KIF2A: variants seen among roughly 807,000 people sequenced by gnomAD.
KIF2A encodes the protein kinesin-like protein KIF2A.
Under a neutral mutation model 100.2 loss-of-function variants are expected in KIF2A, and 22 were observed. That is an observed-to-expected ratio of 0.22 (90% CI 0.16 to 0.31). KIF2A has a LOEUF of 0.31. Ranked by LOEUF, KIF2A falls within the 10% of genes least tolerant of loss-of-function variation. The pLI is 1.00. For synonymous variants in KIF2A, 268 were observed against 285.9 expected, an observed-to-expected ratio of 0.94 and a Z score of 0.63; for missense variants, 495 against 898.7, an observed-to-expected ratio of 0.55 and a Z score of 5.74.
intron 1 of KIF2A, among the ~76,000 whole-genome samples, chr5:62,328,393 G>C (rs186965300): frequency 6.8e-6 from 1 of 146,906 alleles, no homozygotes; most frequent in African/African-American, 2.5e-5. Context: ...TTAGAATTTT[G>C]GTTTTTATGT....
At chr5:62,308,567 G>C in intron 1 of KIF2A, 1 of 702,248 alleles carries the variant, frequency 1.4e-6, no homozygotes, top group Middle Eastern at 2.3e-4. Flanking sequence ...TGTGTGTATA[G>C]ACAATGTACA....
chr5:62,330,636 A>G (rs1391520023), intron 1 of KIF2A, among the ~76,000 whole-genome samples: 1 of 152,150 alleles, frequency 6.6e-6, no homozygotes, highest in Non-Finnish European at 1.5e-5. Flanking sequence ...CTGAGAATGG[A>G]TATTTATGCA....
chr5:62,319,934 A>G (rs970043722), intron 1 of KIF2A, among the ~76,000 whole-genome samples: 3 of 151,940 alleles, frequency 2.0e-5, no homozygotes, highest in African/African-American at 2.4e-5. Context: ...TCCTACCCCT[A>G]CCCCACAGCT....
intron 1 of KIF2A, among the ~76,000 whole-genome samples, chr5:62,317,153 A>G (rs1013821908): frequency 1.3e-5 from 2 of 152,032 alleles, no homozygotes; most frequent in Admixed American, 1.3e-4. Context: ...AGTTCAAGCA[A>G]TTCTCTTGCC....
At chr5:62,357,504 A>G (rs1385430376) in intron 7 of KIF2A, among the ~76,000 whole-genome samples, 187 bp from the exon 8 acceptor site, 1 of 152,192 alleles carries the variant, frequency 6.6e-6, no homozygotes, top group East Asian at 1.9e-4. Context: ...TTACACTCAG[A>G]ATTTTAGAAG....
chr5:62,357,614 G>A (rs1748182413), intron 7 of KIF2A, 77 bp from the exon 8 acceptor site: 5 of 703,464 alleles, frequency 7.1e-6, no homozygotes, highest in Non-Finnish European at 1.1e-5. Flanking sequence ...ACCCCTGGAG[G>A]AAATATTACA....
intron 1 of KIF2A, among the ~76,000 whole-genome samples, chr5:62,320,729 G>T (rs1379011819): frequency 6.6e-6 from 1 of 152,044 alleles, no homozygotes; most frequent in Admixed American, 6.5e-5. Flanking sequence ...ATTATGAGAA[G>T]AAAGTAATTT....
intron 11 of KIF2A, among the ~76,000 whole-genome samples, chr5:62,362,139 T>A (rs1015152981): frequency 1.1e-4 from 17 of 151,632 alleles, no homozygotes; most frequent in African/African-American, 3.9e-4. Flanking sequence ...AATTGTTGAA[T>A]TTCTGAACTG....
chr5:62,328,888 C>T (rs949802784), intron 1 of KIF2A, among the ~76,000 whole-genome samples: 2 of 151,730 alleles, frequency 1.3e-5, no homozygotes, highest in Non-Finnish European at 2.9e-5. Context: ...AAAAGCTGCA[C>T]AACGGGCCCT....
At chr5:62,322,239 T>C (rs538898349) in intron 1 of KIF2A, among the ~76,000 whole-genome samples, 6 of 152,338 alleles carry the variant, frequency 3.9e-5, no homozygotes, top group African/African-American at 1.4e-4. Flanking sequence ...TCAATATTTA[T>C]TTTTTTATTG....
At chr5:62,308,205 C>T in intron 1 of KIF2A, 3 of 473,260 alleles carry the variant, frequency 6.3e-6, no homozygotes, top group Non-Finnish European at 1.1e-5. Flanking sequence ...TTACCAATAA[C>T]ACTAATGGGA....
At chr5:62,337,692 G>A (rs968627624) in intron 1 of KIF2A, among the ~76,000 whole-genome samples, 9 of 151,762 alleles carry the variant, frequency 5.9e-5, no homozygotes, top group African/African-American at 2.2e-4. Context: ...AGGCATAGTA[G>A]TGCATGCCTG....
chr5:62,324,893 A>T (rs555018665), intron 1 of KIF2A, among the ~76,000 whole-genome samples: 3 of 152,360 alleles, frequency 2.0e-5, no homozygotes, highest in African/African-American at 7.2e-5. Context: ...GCACAGCAAA[A>T]GAAACAGAGT....
chr5:62,350,151 C>G (rs766712889), intron 4 of KIF2A, 31 bp downstream of exon 4: 18 of 1,279,488 alleles, frequency 1.4e-5, no homozygotes, highest in Non-Finnish European at 2.0e-5. Flanking sequence ...TTAATTTTGG[C>G]TATTGACTTC....
intron 3 of KIF2A, among the ~76,000 whole-genome samples, chr5:62,348,564 CT>C (rs1747689261): frequency 1.3e-5 from 2 of 152,232 alleles, no homozygotes; most frequent in South Asian, 4.1e-4. Context: ...CTATTTGTTT[CT>C]TAAAGAAAGA....
chr5:62,385,653 T>A lies in KIF2A; in HGVS notation c.*84T>A, dbSNP rs979685110. The A allele has an allele frequency of 5.3e-6, 5 of 951,668 alleles. No individual in the cohort carries two copies. In the Admixed American group the frequency reaches 7.2e-5, roughly 14 times the overall value. The allele number at this position is 951,668 out of a possible 1,614,324, so 59.0% of individuals were successfully genotyped here. A position where few individuals can be genotyped will look rare whatever the true frequency, so the allele number is the denominator to read the frequency against. On this transcript the variant is annotated 3_prime_UTR_variant, in exon 21 of 21. Transcript: ENST00000407818. ...CAGCTGTAAGGGCCATTTGAAAGTT[T>A]GGAATTTTAAGTGTCTGTGGAAAAT... is the stretch of plus-strand genomic sequence containing the variant.
chr5:62,314,098 A>G (rs965461873), intron 1 of KIF2A, among the ~76,000 whole-genome samples: 2 of 152,082 alleles, frequency 1.3e-5, no homozygotes, highest in Non-Finnish European at 2.9e-5. Flanking sequence ...GGTCAAATTT[A>G]TTCAATTTAA....
chr5:62,353,545 G>A (rs969025463), intron 6 of KIF2A, among the ~76,000 whole-genome samples, 170 bp downstream of exon 6: 11 of 152,048 alleles, frequency 7.2e-5, no homozygotes, highest in African/African-American at 2.2e-4. Flanking sequence ...ATAAGTTACC[G>A]TAACACATTT....
At chr5:62,350,008 A>G in intron 3 of KIF2A, 58 bp from the exon 4 acceptor site, 1 of 1,108,680 alleles carries the variant, frequency 9.0e-7, no homozygotes. Flanking sequence ...AGCTCAGATC[A>G]TGATACATAT....
Sources: gnomAD v4.1 joint callset for allele counts (sites outside exome capture counted in the v4.1 genomes callset) on GRCh38, gnomAD v4.1.1 for gene constraint, MANE v1.5 for transcripts, NCBI Gene and HGNC (gene_info 2026-07-23, HGNC 2026-07-21) for gene names.